Variants in CHRM3 observed in about 807,000 individuals in gnomAD.
CHRM3 encodes muscarinic acetylcholine receptor M3.
CHRM3 carries 11 observed loss-of-function variants against 41.8 expected under a neutral mutation model. That is an observed-to-expected ratio of 0.26 (90% CI 0.17 to 0.44). The LOEUF is 0.44. Ranked by LOEUF, CHRM3 falls within the 20% of genes least tolerant of loss-of-function variation. The probability of loss-of-function intolerance (pLI) is 1.00; values close to 1 mark genes in which losing one functional copy is unlikely to be tolerated. For missense variants in CHRM3, 571 were observed against 745.4 expected (o/e 0.77, Z 2.72); for synonymous variants, 297 against 301.4 (o/e 0.99, Z 0.15).
chr1:239,657,076 G>T (rs567245667), intron 4 of CHRM3, among the ~76,000 whole-genome samples: 26 of 152,280 alleles, frequency 1.7e-4, no homozygotes, highest in African/African-American at 6.3e-4. Context: ...ACTAGTCTTA[G>T]AATTTAAATA....
At chr1:239,648,588 T>C (rs1000287125) in intron 4 of CHRM3, among the ~76,000 whole-genome samples, 3 of 152,136 alleles carry the variant, frequency 2.0e-5, no homozygotes, top group Non-Finnish European at 4.4e-5. Context: ...GGGGGAATTC[T>C]GGAGAGGAGC....
Position 239,913,241 on chromosome 1 carries a change from G to A in CHRM3, c.*4017G>A, listed in dbSNP as rs1035848502. 6 of 167,118 alleles carry A rather than the reference G, an allele frequency of 3.6e-5. No homozygotes were observed. Among genetic ancestry groups the A allele is most frequent in the South Asian group, 4.1e-4 (2 of 4,824 alleles). The allele number at this position is 167,118 out of a possible 1,614,324, so 10.4% of individuals were successfully genotyped here. ...CCACTCCAACCCAGCACCTGAGGTC[G>A]GGCAAACTCACAAAATAGAGTTTCT... On this transcript the variant is annotated 3_prime_UTR_variant, in exon 7 of 7. Transcript: ENST00000676153.
chr1:239,460,434 G>A (rs1158916014), intron 1 of CHRM3, among the ~76,000 whole-genome samples: 1 of 152,132 alleles, frequency 6.6e-6, no homozygotes, highest in East Asian at 1.9e-4. Context: ...ATCCCAGAAT[G>A]ATTGGTATCC....
At chr1:239,437,812 C>A (rs1485090725) in intron 1 of CHRM3, among the ~76,000 whole-genome samples, 3 of 152,192 alleles carry the variant, frequency 2.0e-5, no homozygotes, top group Admixed American at 6.5e-5. Context: ...AAATCGGAAA[C>A]TAGAGACCAC....
chr1:239,765,823 T>C (rs1659139311), intron 5 of CHRM3, among the ~76,000 whole-genome samples: 1 of 151,580 alleles, frequency 6.6e-6, no homozygotes, highest in Non-Finnish European at 1.5e-5. Context: ...TTTATCTTTT[T>C]TTTTTTTTTT....
At chr1:239,870,315 G>T (rs903646653) in intron 6 of CHRM3, among the ~76,000 whole-genome samples, 1 of 152,176 alleles carries the variant, frequency 6.6e-6, no homozygotes, top group Non-Finnish European at 1.5e-5. Flanking sequence ...GGTAACAGTT[G>T]TCCAGATAAG....
chr1:239,696,600 G>A (rs934482475), intron 5 of CHRM3, among the ~76,000 whole-genome samples: 1 of 152,156 alleles, frequency 6.6e-6, no homozygotes, highest in African/African-American at 2.4e-5. Context: ...AGATGAGCCT[G>A]ACAGGTAGCC....
chr1:239,574,428 C>G (rs977696517), intron 3 of CHRM3, among the ~76,000 whole-genome samples: 7 of 152,018 alleles, frequency 4.6e-5, no homozygotes, highest in African/African-American at 1.7e-4. Context: ...CTTTGTCCAG[C>G]GCTGGGCCTG....
chr1:239,830,572 C>T (rs879177876), intron 6 of CHRM3, among the ~76,000 whole-genome samples: 60 of 152,218 alleles, frequency 3.9e-4, no homozygotes, highest in African/African-American at 1.3e-3. Flanking sequence ...GGTGTGGTGG[C>T]GCGTGCCTGT....
intron 1 of CHRM3, among the ~76,000 whole-genome samples, chr1:239,429,821 G>A (rs1440923290): frequency 1.4e-5 from 2 of 143,256 alleles, no homozygotes; most frequent in Non-Finnish European, 3.0e-5. Context: ...CATCTCATTA[G>A]TAATTCATTT....
At chr1:239,882,425 A>T (rs1393829225) in intron 6 of CHRM3, among the ~76,000 whole-genome samples, 1 of 152,168 alleles carries the variant, frequency 6.6e-6, no homozygotes, top group Non-Finnish European at 1.5e-5. Flanking sequence ...TGTACTAGAC[A>T]CTGTTCAAAA....
In CHRM3 at chr1:239,813,925, A is replaced by AAAAGAAAAAAAAAC. The variant is rs1395909196; in HGVS notation, c.-146-13324_-146-13323insGAAAAAAAAACAAA. Among the ~76,000 whole-genome samples the AAAAGAAAAAAAAAC allele has an allele frequency of 1.4e-5, 2 of 146,392 alleles. 1 individual carries two copies. The highest frequency in any genetic ancestry group is 5.5e-5 in the African/African-American group (2 of 36,658). On this transcript the variant is annotated intron_variant, in intron 5 of 6. Transcript: ENST00000676153. The stretch of plus-strand genomic sequence containing the variant: ...GAGCGAGACTCCGTCTCAAAAAAAA[A>AAAAGAAAAAAAAAC]AAAAAAAAACTCACAGTTGTAGACT...
intron 2 of CHRM3, among the ~76,000 whole-genome samples, chr1:239,542,094 C>T (rs941834497): frequency 6.6e-5 from 10 of 151,966 alleles, no homozygotes; most frequent in East Asian, 1.9e-4. Flanking sequence ...TGTCTTCCCC[C>T]GGAGATTATA....
chr1:239,545,202 C>T (rs1426457182), intron 2 of CHRM3, among the ~76,000 whole-genome samples: 1 of 152,098 alleles, frequency 6.6e-6, no homozygotes, highest in East Asian at 1.9e-4. Context: ...TGTAGTATGT[C>T]CGTGTGGCTA....
intron 6 of CHRM3, among the ~76,000 whole-genome samples, chr1:239,894,286 G>T (rs1266633684): frequency 6.6e-6 from 1 of 152,166 alleles, no homozygotes; most frequent in Non-Finnish European, 1.5e-5. Flanking sequence ...ATTCAACAAG[G>T]GATATTTCAA....
intron 6 of CHRM3, among the ~76,000 whole-genome samples, chr1:239,852,657 G>A (rs61831573): frequency 0.023 from 3,500 of 152,162 alleles, 61 homozygotes; most frequent in Non-Finnish European, 0.036. Flanking sequence ...TACAGTCTTG[G>A]ATTATGAACA....
chr1:239,745,916 C>A (rs546043922), intron 5 of CHRM3, among the ~76,000 whole-genome samples: 1 of 152,116 alleles, frequency 6.6e-6, no homozygotes, highest in African/African-American at 2.4e-5. Context: ...AATTATAGTC[C>A]ACTTCTAAAG....
intron 3 of CHRM3, among the ~76,000 whole-genome samples, chr1:239,609,104 A>G (rs1176235446): frequency 6.6e-6 from 1 of 152,174 alleles, no homozygotes; most frequent in South Asian, 2.1e-4. Flanking sequence ...TTTGTAATAC[A>G]TTGTCATGTC....
chr1:239,486,250 C>A (rs190079285), intron 1 of CHRM3, among the ~76,000 whole-genome samples: 1 of 152,302 alleles, frequency 6.6e-6, no homozygotes, highest in African/African-American at 2.4e-5. Context: ...CAGATGCAAC[C>A]TAAACTGTTT....
Sources: allele counts gnomAD v4.1 joint callset (sites outside exome capture counted in the v4.1 genomes callset), GRCh38; gene constraint gnomAD v4.1.1; transcripts MANE v1.5; gene names NCBI Gene and HGNC (gene_info 2026-07-23, HGNC 2026-07-21).